The following PAPPA2 variants were observed in gnomAD, a reference collection of about 807,000 sequenced individuals.
PAPPA2 encodes pappalysin-2.
In PAPPA2, 86 loss-of-function variants were observed where a neutral mutation model predicts 176.4. That is an observed-to-expected ratio of 0.49 (90% CI 0.41 to 0.58). The LOEUF (loss-of-function observed/expected upper bound fraction) is 0.58, where lower values mean the gene tolerates loss of function less well. PAPPA2 is among the 20% of genes least tolerant of loss of function. The pLI, the probability that PAPPA2 is intolerant of heterozygous loss-of-function variation, is 0.00. For missense variants in PAPPA2, 2,073 were observed against 2,256.9 expected (o/e 0.92, Z 1.65); for synonymous variants, 809 against 852.2 (o/e 0.95, Z 0.88).
chr1:176,688,585 C>A (rs1019122410), intron 4 of PAPPA2, among the ~76,000 whole-genome samples: 2 of 152,254 alleles, frequency 1.3e-5, no homozygotes, highest in East Asian at 3.9e-4. Context: ...TAGAGAATAA[C>A]AATTTTACCA....
At chr1:176,601,434 G>A (rs1284065454) in intron 3 of PAPPA2, among the ~76,000 whole-genome samples, 1 of 152,208 alleles carries the variant, frequency 6.6e-6, no homozygotes, top group African/African-American at 2.4e-5. Flanking sequence ...CGCTCTGAGA[G>A]GAGAGAGAGC....
rs901311886 is a variant in PAPPA2 at position 176,594,948 on chromosome 1, G to T, written c.1344G>T (p.Glu448Asp). Residue 448 changes from glutamate to aspartate, a missense_variant, in exon 3 of 23, where the codon GAG (glutamate) becomes GAT (aspartate). Coordinates refer to ENST00000367662, the MANE Select transcript of PAPPA2 (RefSeq NM_020318.3). ...FQHSSQHSSG[E>D]EEATDLVLTA... ...ACAGTTCTCAGCATTCAAGTGGGGA[G>T]GAGGAAGCGACTGACTTGGTCCTGA... 1 of 1,614,250 alleles carries T rather than the reference G, an allele frequency of 6.2e-7. No homozygotes were observed. Among genetic ancestry groups the T allele is most frequent in the Non-Finnish European group, 8.5e-7 (1 of 1,180,056 alleles).
At chr1:176,826,281 G>C (rs1426789052) in intron 21 of PAPPA2, among the ~76,000 whole-genome samples, 1 of 152,192 alleles carries the variant, frequency 6.6e-6, no homozygotes, top group Non-Finnish European at 1.5e-5. Flanking sequence ...TTCTGGGCTT[G>C]CAAGATTTAA....
chr1:176,783,625 A>C (rs988232081), intron 17 of PAPPA2, among the ~76,000 whole-genome samples: 2 of 152,188 alleles, frequency 1.3e-5, no homozygotes, highest in Admixed American at 1.3e-4. Context: ...AAATAAATAC[A>C]AACCTTCCCC....
intron 14 of PAPPA2, among the ~76,000 whole-genome samples, chr1:176,764,242 A>G (rs1281937620): frequency 6.6e-6 from 1 of 152,178 alleles, no homozygotes; most frequent in East Asian, 1.9e-4. Flanking sequence ...TTTGGGGACA[A>G]ACCATATCCA....
At chr1:176,799,064 G>A (rs544744775) in intron 20 of PAPPA2, among the ~76,000 whole-genome samples, 23 of 152,262 alleles carry the variant, frequency 1.5e-4, no homozygotes, top group Non-Finnish European at 2.9e-4. Flanking sequence ...GCTATCTCGT[G>A]TAAAGCTCCT....
intron 2 of PAPPA2, among the ~76,000 whole-genome samples, chr1:176,590,816 G>A (rs1653610617): frequency 6.6e-6 from 1 of 152,036 alleles, no homozygotes; most frequent in Non-Finnish European, 1.5e-5. Context: ...GTCTTTCCCA[G>A]CATAGGTTTT....
intron 12 of PAPPA2, among the ~76,000 whole-genome samples, chr1:176,727,087 G>A (rs1328877366): frequency 1.3e-5 from 2 of 152,032 alleles, no homozygotes; most frequent in East Asian, 3.9e-4. Context: ...TAACTGTAGA[G>A]GAAAAGTCAA....
intron 21 of PAPPA2, among the ~76,000 whole-genome samples, chr1:176,834,449 G>A (rs1209945539): frequency 1.3e-5 from 2 of 152,082 alleles, no homozygotes; most frequent in Admixed American, 1.3e-4. Context: ...CCTTTTTTCC[G>A]CACATGACAG....
At chr1:176,680,324 G>A (rs899273203) in intron 4 of PAPPA2, among the ~76,000 whole-genome samples, 1 of 151,454 alleles carries the variant, frequency 6.6e-6, no homozygotes, top group Non-Finnish European at 1.5e-5. Context: ...ATTTTTTTTT[G>A]TCTCTGTAAA....
intron 21 of PAPPA2, among the ~76,000 whole-genome samples, chr1:176,804,610 G>A (rs984695179): frequency 6.6e-6 from 1 of 152,062 alleles, no homozygotes; most frequent in African/African-American, 2.4e-5. Context: ...CCACAGATGG[G>A]TTATATAATC....
intron 1 of PAPPA2, among the ~76,000 whole-genome samples, chr1:176,483,941 A>G (rs556022207): frequency 6.6e-6 from 1 of 152,322 alleles, no homozygotes; most frequent in Admixed American, 6.5e-5. Context: ...CTACCTTTGC[A>G]GTTGCTCAGG....
chr1:176,552,875 A>AT (rs1399674218), intron 1 of PAPPA2, among the ~76,000 whole-genome samples: 2 of 152,162 alleles, frequency 1.3e-5, no homozygotes, highest in Non-Finnish European at 2.9e-5. Context: ...AGATTTCAAA[A>AT]CAGATTCGAC....
chr1:176,648,869 G>A (rs1445272068), intron 3 of PAPPA2, among the ~76,000 whole-genome samples: 1 of 151,236 alleles, frequency 6.6e-6, no homozygotes, highest in Non-Finnish European at 1.5e-5. Context: ...ATCTATGTTC[G>A]TTAGGGATAT....
intron 1 of PAPPA2, among the ~76,000 whole-genome samples, chr1:176,469,368 G>T (rs1651771275): frequency 6.6e-6 from 1 of 152,080 alleles, no homozygotes; most frequent in East Asian, 1.9e-4. Context: ...GAGAGGGAGT[G>T]GGTGGGGTGC....
chr1:176,584,456 TCTC>T (rs1379096970), intron 2 of PAPPA2, among the ~76,000 whole-genome samples: 2 of 152,164 alleles, frequency 1.3e-5, no homozygotes, highest in Non-Finnish European at 2.9e-5. Context: ...AAGTATAGCT[TCTC>T]CTGTTCATTT....
Position 176,706,413 on chromosome 1 carries a change from C to T in PAPPA2, c.3420C>T (p.Ser1140=), listed in dbSNP as rs778705224. The part of the protein sequence containing the change: ...DGDLVSGDGC[S]KVCELEEGFN... ...ACCTTGTGAGCGGAGATGGCTGCTC[C>T]AAGGTGTGTGAGCTGGAGGAAGGTT... Residue 1140 remains serine (S), a synonymous_variant, in exon 10 of 23, where the codon TCC becomes TCT. Transcript: ENST00000367662. 9.3e-6 allele frequency: 15 copies of T among 1,613,558 alleles called. No individual in the cohort carries two copies. Among genetic ancestry groups the T allele is most frequent in the South Asian group, 2.2e-5 (2 of 91,076 alleles).
At chr1:176,692,541 C>G (rs1158181207) in intron 6 of PAPPA2, among the ~76,000 whole-genome samples, 1 of 152,244 alleles carries the variant, frequency 6.6e-6, no homozygotes, top group Non-Finnish European at 1.5e-5. Context: ...ACTCCCCCCT[C>G]AGGGAGGCCT....
intron 6 of PAPPA2, among the ~76,000 whole-genome samples, chr1:176,693,019 T>C (rs1470958989): frequency 6.6e-6 from 1 of 152,192 alleles, no homozygotes; most frequent in Non-Finnish European, 1.5e-5. Context: ...CCTTTGCATA[T>C]TGGTTTGAAA....
Sources: allele counts gnomAD v4.1 joint callset (sites outside exome capture counted in the v4.1 genomes callset), GRCh38; gene constraint gnomAD v4.1.1; transcripts MANE v1.5; gene names NCBI Gene and HGNC (gene_info 2026-07-23, HGNC 2026-07-21).